Variants in NDUFAF6 observed in about 807,000 individuals in gnomAD.
NDUFAF6 encodes NADH dehydrogenase (ubiquinone) complex I, assembly factor 6.
Under a neutral mutation model 40.8 loss-of-function variants are expected in NDUFAF6, and 45 were observed. The ratio of observed to expected loss-of-function variants is 1.10; its 90% confidence interval spans 0.87 to 1.42. NDUFAF6 has a LOEUF of 1.42. NDUFAF6 is among the 40% of genes most tolerant of loss of function. The probability of loss-of-function intolerance (pLI) is 0.00; values close to 1 mark genes in which losing one functional copy is unlikely to be tolerated. For synonymous variants in NDUFAF6, 185 were observed against 155.9 expected (o/e 1.19, Z -1.39); for missense variants, 435 against 418.5 (o/e 1.04, Z -0.34).
chr8:95,032,551 G>A (rs1247422972), intron 2 of NDUFAF6, among the ~76,000 whole-genome samples: 1 of 152,164 alleles, frequency 6.6e-6, no homozygotes, highest in Non-Finnish European at 1.5e-5. Flanking sequence ...ATTCACTTTT[G>A]TCTAAGAATT....
chr8:94,972,624 A>G (rs1382616795), intron 1 of NDUFAF6, among the ~76,000 whole-genome samples: 1 of 151,918 alleles, frequency 6.6e-6, no homozygotes, highest in Non-Finnish European at 1.5e-5. Context: ...TTAAAAATTC[A>G]GTTCTCCTAT....
At chr8:95,102,146 G>A (rs897705630) in intron 2 of NDUFAF6, among the ~76,000 whole-genome samples, 6 of 151,986 alleles carry the variant, frequency 3.9e-5, no homozygotes, top group Admixed American at 6.6e-5. Flanking sequence ...TACAGTGCCC[G>A]CCACCAAACC....
chr8:95,037,006 G>A (rs116467873), intron 3 of NDUFAF6, among the ~76,000 whole-genome samples: 221 of 152,334 alleles, frequency 1.5e-3, no homozygotes, highest in African/African-American at 5.1e-3. Flanking sequence ...TTGGGTTCTT[G>A]AGGAGATTAA....
downstream of NDUFAF6, among the ~76,000 whole-genome samples, chr8:95,079,843 T>C (rs1323282019): frequency 1.3e-5 from 2 of 151,788 alleles, 1 homozygote; most frequent in Admixed American, 1.3e-4. Context: ...GCTTTCCAAG[T>C]AGGTACCCAC....
chr8:95,065,503 T>A (rs1003722880), intron 9 of NDUFAF6, among the ~76,000 whole-genome samples: 5 of 152,228 alleles, frequency 3.3e-5, no homozygotes, highest in African/African-American at 1.2e-4. Flanking sequence ...TTAGTCTACA[T>A]TTTAATTTAG....
downstream of NDUFAF6, among the ~76,000 whole-genome samples, chr8:95,106,804 C>T (rs1809854129): frequency 6.6e-6 from 1 of 152,060 alleles, no homozygotes; most frequent in Non-Finnish European, 1.5e-5. Context: ...CCAAACAACC[C>T]CATCAAAAAG....
chr8:95,073,557 G>T (rs1587237445), intron 9 of NDUFAF6, among the ~76,000 whole-genome samples: 1 of 151,772 alleles, frequency 6.6e-6, no homozygotes, highest in Non-Finnish European at 1.5e-5. Flanking sequence ...CTCCTTTTCC[G>T]CTTGCCCCTT....
chr8:95,028,538 G>T (rs1053512817), intron 1 of NDUFAF6, among the ~76,000 whole-genome samples: 2 of 152,172 alleles, frequency 1.3e-5, no homozygotes, highest in African/African-American at 4.8e-5. Flanking sequence ...TAATACGGCA[G>T]ATCCTTGGCT....
At chr8:95,034,533 G>A (rs539162870) in intron 2 of NDUFAF6, 5 of 153,520 alleles carry the variant, frequency 3.3e-5, no homozygotes, top group South Asian at 2.0e-4. Flanking sequence ...CTTTCTTTGC[G>A]TTTTGTGACA....
At chr8:95,020,540 C>G (rs1051360711), upstream of NDUFAF6, among the ~76,000 whole-genome samples, 1 of 152,208 alleles carries the variant, frequency 6.6e-6, no homozygotes, top group African/African-American at 2.4e-5. Context: ...AAAGGCTACC[C>G]TTCCTCTGAG....
At chr8:94,930,541 G>A (rs773733025) in intron 1 of NDUFAF6, 7 of 1,614,106 alleles carry the variant, frequency 4.3e-6, no homozygotes, top group Admixed American at 1.7e-5. Context: ...TTGACTTGCC[G>A]AGGGTGGCAA....
downstream of NDUFAF6, among the ~76,000 whole-genome samples, chr8:95,105,058 CACACACACAGAGAGAG>C (rs1463407105): frequency 1.3e-3 from 79 of 62,396 alleles, no homozygotes; most frequent in African/African-American, 4.9e-3. Context: ...CACACACACA[CACACACACAGAGAGAG>C]AGAGAGAGAG....
At chr8:94,932,026 C>T in intron 1 of NDUFAF6, 2 of 1,579,638 alleles carry the variant, frequency 1.3e-6, no homozygotes, top group South Asian at 2.3e-5. Context: ...CTTTGCCTCC[C>T]TATGCATACA....
At chr8:94,958,522 CTTTTTTTTTTTTTTTTTTTTT>C (rs55703438) in intron 1 of NDUFAF6, among the ~76,000 whole-genome samples, 1 of 71,244 alleles carries the variant, frequency 1.4e-5, no homozygotes, top group South Asian at 5.5e-4. Context: ...TAGTCACATT[CTTTTTTTTTTTTTTTTTTTTT>C]TTTTTTTTTG....
intron 1 of NDUFAF6, chr8:94,941,026 G>A (rs967437552): frequency 5.2e-6 from 5 of 968,104 alleles, no homozygotes; most frequent in Admixed American, 2.0e-5. Context: ...CAATGGTACC[G>A]ACAGGAGATT....
chr8:95,029,110 T>C (rs1269012566), intron 1 of NDUFAF6, among the ~76,000 whole-genome samples: 2 of 152,124 alleles, frequency 1.3e-5, no homozygotes, highest in East Asian at 3.9e-4. Flanking sequence ...TGTGAACCAG[T>C]TGAAAAGTGG....
At chr8:94,935,747 A>C (rs144596617) in intron 1 of NDUFAF6, among the ~76,000 whole-genome samples, 1 of 152,384 alleles carries the variant, frequency 6.6e-6, no homozygotes, top group African/African-American at 2.4e-5. Context: ...ATTGGAGAAC[A>C]TAAAAATGCA....
intron 3 of NDUFAF6, chr8:95,036,395 C>T: frequency 7.8e-7 from 1 of 1,289,386 alleles, no homozygotes; most frequent in South Asian, 1.2e-5. Flanking sequence ...AGAGGCAGGC[C>T]CAGTTTCTGG....
intron 1 of NDUFAF6, among the ~76,000 whole-genome samples, chr8:95,029,842 A>G (rs1003571351): frequency 6.6e-6 from 1 of 152,154 alleles, no homozygotes; most frequent in Non-Finnish European, 1.5e-5. Context: ...GATTTGTCCT[A>G]TTATTATGAT....
Sources: gnomAD v4.1 joint callset for allele counts (sites outside exome capture counted in the v4.1 genomes callset) on GRCh38, gnomAD v4.1.1 for gene constraint, MANE v1.5 for transcripts, NCBI Gene and HGNC (gene_info 2026-07-23, HGNC 2026-07-21) for gene names.